Variants in SUCLG2 observed in about 807,000 individuals in gnomAD.
The protein encoded by SUCLG2 is succinate-CoA ligase GDP-forming subunit beta, also known as succinate--CoA ligase [GDP-forming] subunit beta, mitochondrial.
SUCLG2 carries 42 observed loss-of-function variants against 47.9 expected under a neutral mutation model. The observed-to-expected ratio is 0.88, with a 90% CI of 0.69 to 1.14. SUCLG2 has a LOEUF of 1.14. Ranked by LOEUF, SUCLG2 falls within the 50% of genes most tolerant of loss-of-function variation. The pLI, the probability that SUCLG2 is intolerant of heterozygous loss-of-function variation, is 0.00. For synonymous variants in SUCLG2, 195 were observed against 197.3 expected, an observed-to-expected ratio of 0.99 and a Z score of 0.10; for missense variants, 571 against 525.9, an observed-to-expected ratio of 1.09 and a Z score of -0.84.
Position 67,549,834 on chromosome 3 carries a change from T to C in SUCLG2, c.227-20648A>G, listed in dbSNP as rs1291640425. On this transcript the variant is annotated intron_variant, in intron 2 of 10. Coordinates refer to ENST00000307227, the MANE Select transcript of SUCLG2 (RefSeq NM_003848.4). ...AACTCTGATTACTGGTAGAGAAAGGTTGTAATGGATAAATTTTTTCTTTTT... is the reference window on the plus strand; with the variant it reads ...AACTCTGATTACTGGTAGAGAAAGGCTGTAATGGATAAATTTTTTCTTTTT... Among the ~76,000 whole-genome samples, 3 of 152,082 alleles carry C rather than the reference T, an allele frequency of 2.0e-5. No individual in the cohort carries two copies. The East Asian group carries it at 5.8e-4, about 29-fold the overall frequency.
intron 2 of SUCLG2, among the ~76,000 whole-genome samples, chr3:67,603,998 T>C (rs900794398): frequency 2.0e-4 from 31 of 152,226 alleles, no homozygotes; most frequent in Admixed American, 2.0e-3. Context: ...AGCGTGATTA[T>C]AAAAGGTGGC....
intron 10 of SUCLG2, among the ~76,000 whole-genome samples, chr3:67,388,275 T>G (rs1702302293): frequency 6.6e-6 from 1 of 152,206 alleles, no homozygotes; most frequent in Non-Finnish European, 1.5e-5. Context: ...AGCTCCTCTC[T>G]TACCGTAAGA....
intron 7 of SUCLG2, among the ~76,000 whole-genome samples, chr3:67,507,642 A>C (rs1346905745): frequency 6.6e-6 from 1 of 152,226 alleles, no homozygotes; most frequent in Non-Finnish European, 1.5e-5. Flanking sequence ...GTTCGAAGGA[A>C]ATGATAGTGT....
At chr3:67,481,022 A>C (rs1444214826) in intron 9 of SUCLG2, among the ~76,000 whole-genome samples, 1 of 105,150 alleles carries the variant, frequency 9.5e-6, no homozygotes, top group African/African-American at 2.8e-5. Flanking sequence ...CACTTATGAC[A>C]CTGTTTTTTT....
chr3:67,370,510 A>G (rs907444201), downstream of SUCLG2, among the ~76,000 whole-genome samples: 1 of 152,154 alleles, frequency 6.6e-6, no homozygotes, highest in Admixed American at 6.5e-5. Flanking sequence ...AACCCAACCA[A>G]TACTTTTATT....
At chr3:67,362,825 T>C (rs1575649841) in intron 10 of SUCLG2, among the ~76,000 whole-genome samples, 1 of 152,244 alleles carries the variant, frequency 6.6e-6, no homozygotes, top group East Asian at 1.9e-4. Flanking sequence ...ATAAGCCCTC[T>C]CCCCCACAGG....
chr3:67,596,314 C>G (rs1278489863), intron 2 of SUCLG2, among the ~76,000 whole-genome samples: 1 of 152,130 alleles, frequency 6.6e-6, no homozygotes, highest in Non-Finnish European at 1.5e-5. Flanking sequence ...CTGTTTAAAG[C>G]TAGAATTGCC....
chr3:67,503,908 G>A (rs1258712822), intron 7 of SUCLG2, among the ~76,000 whole-genome samples: 3 of 152,102 alleles, frequency 2.0e-5, no homozygotes, highest in African/African-American at 4.8e-5. Context: ...GCAGTTAGAG[G>A]CCTCTGACCC....
chr3:67,436,115 T>C (rs4856865), intron 9 of SUCLG2, among the ~76,000 whole-genome samples: 69,885 of 152,010 alleles, frequency 0.46, 16,757 homozygotes, highest in Non-Finnish European at 0.54. Flanking sequence ...TGAAGTCAAG[T>C]CTCAAAGTGC....
intron 9 of SUCLG2, among the ~76,000 whole-genome samples, chr3:67,446,886 TTATC>T (rs1323530200): frequency 1.8e-4 from 28 of 152,312 alleles, no homozygotes; most frequent in African/African-American, 6.7e-4. Flanking sequence ...TAAAAAAAGA[TTATC>T]TATTAATTGC....
At chr3:67,510,575 A>G (rs1470330877) in intron 6 of SUCLG2, among the ~76,000 whole-genome samples, 1 of 152,220 alleles carries the variant, frequency 6.6e-6, no homozygotes, top group Non-Finnish European at 1.5e-5. Flanking sequence ...TGTCTTAAAA[A>G]AGCAAACTTG....
chr3:67,585,650 T>A (rs6797488), intron 2 of SUCLG2, among the ~76,000 whole-genome samples: 61,207 of 151,816 alleles, frequency 0.4, 12,862 homozygotes, highest in East Asian at 0.68. Context: ...CTACCACTCA[T>A]GTTCCCTTGT....
chr3:67,500,095 C>T (rs1705456614), intron 7 of SUCLG2, among the ~76,000 whole-genome samples: 1 of 152,290 alleles, frequency 6.6e-6, no homozygotes, highest in African/African-American at 2.4e-5. Context: ...TTTACAGATA[C>T]TACCTATTCT....
chr3:67,576,086 T>C (rs565614887), intron 2 of SUCLG2, among the ~76,000 whole-genome samples: 3 of 152,312 alleles, frequency 2.0e-5, no homozygotes, highest in South Asian at 2.1e-4. Context: ...TGAATGAATA[T>C]ATTGGAAAAG....
chr3:67,562,421 G>A (rs905510423), intron 2 of SUCLG2, among the ~76,000 whole-genome samples: 2 of 152,112 alleles, frequency 1.3e-5, no homozygotes, highest in African/African-American at 4.8e-5. Context: ...GGGATTACAG[G>A]CACAGGCCAC....
At chr3:67,377,684 C>T (rs910290979) in intron 10 of SUCLG2, among the ~76,000 whole-genome samples, 3 of 152,148 alleles carry the variant, frequency 2.0e-5, no homozygotes, top group East Asian at 1.9e-4. Flanking sequence ...GATAGGCTCT[C>T]GCTGTGTCAC....
At position 67,495,847 on chromosome 3, in the gene SUCLG2, T is replaced by C. The variant is rs1287679851; in HGVS notation, c.1013A>G (p.Lys338Arg). Residue 338 changes from lysine to arginine, a missense_variant, in exon 9 of 11, where the codon AAG (lysine) becomes AGG (arginine). By Grantham distance (26) the Lys-to-Arg change is conservative. Coordinates refer to ENST00000307227, the MANE Select transcript of SUCLG2 (RefSeq NM_003848.4). ...GAATGCTTGATATACTTGAGCTTCC[T>C]TTACACCACCTCCAAGATCCAAGAA... ...ANFLDLGGGV[K>R]EAQVYQAFKL... 2.5e-6 allele frequency: 4 copies of C among 1,614,054 alleles called. No homozygotes were observed. Among genetic ancestry groups the C allele is most frequent in the South Asian group, 1.1e-5 (1 of 91,074 alleles).
chr3:67,390,347 A>C (rs1274375235), intron 10 of SUCLG2, among the ~76,000 whole-genome samples: 1 of 152,198 alleles, frequency 6.6e-6, no homozygotes, highest in Non-Finnish European at 1.5e-5. Flanking sequence ...GAAAAGTTTT[A>C]ATCAATCAAA....
intron 1 of SUCLG2, among the ~76,000 whole-genome samples, chr3:67,625,526 C>T (rs1700811040): frequency 6.6e-6 from 1 of 152,148 alleles, no homozygotes; most frequent in South Asian, 2.1e-4. Flanking sequence ...ATCTAAACAA[C>T]TCTCCCTTAT....
Sources: gnomAD v4.1 joint callset for allele counts (sites outside exome capture counted in the v4.1 genomes callset) on GRCh38, gnomAD v4.1.1 for gene constraint, MANE v1.5 for transcripts, NCBI Gene and HGNC (gene_info 2026-07-23, HGNC 2026-07-21) for gene names.